The following FMNL3 variants were observed in gnomAD, a reference collection of about 807,000 sequenced individuals.
The protein encoded by FMNL3 is formin-like protein 3.
FMNL3 carries 57 observed loss-of-function variants against 119.6 expected under a neutral mutation model. That is an observed-to-expected ratio of 0.48 (90% confidence interval 0.39 to 0.59). The LOEUF is 0.59. FMNL3 is among the 20% of genes least tolerant of loss of function. The pLI is 0.00. For synonymous variants in FMNL3, 491 were observed against 507.3 expected (o/e 0.97, Z 0.43); for missense variants, 1,053 against 1,323.5 (o/e 0.80, Z 3.17).
At position 49,707,303 on chromosome 12, in the gene FMNL3, G is replaced by T; in HGVS notation, c.-123C>A. On this transcript the variant is annotated 5_prime_UTR_variant, in exon 1 of 26. Transcript: ENST00000335154. ...CCCCGAGTCCCGACTCCTCGGCCCC[G>T]TCGAGGGCGCCGGGGGTTCCCTGGA... The T allele has an allele frequency of 1.0e-6, 1 of 957,368 alleles. No homozygotes were observed. The highest frequency in any genetic ancestry group is 1.4e-6 in the Non-Finnish European group (1 of 701,978). The allele number at this position is 957,368 out of a possible 1,614,324, so 59.3% of individuals were successfully genotyped here.
chr12:49,651,922 G>C lies in FMNL3; in HGVS notation c.1603+11C>G. The C allele has an allele frequency of 1.3e-6, 2 of 1,571,612 alleles. No homozygotes were observed. Among genetic ancestry groups the C allele is most frequent in the Non-Finnish European group, 1.7e-6 (2 of 1,155,806 alleles). On this transcript the variant is annotated intron_variant, in intron 14 of 25. Transcript: ENST00000335154. Reference sequence around the variant, plus strand: ...CTGCCCCTGTTGGCTCCCAGGGGTCGTCGTGGTTACCTGGTAATGGGGGAG... The same window carrying C: ...CTGCCCCTGTTGGCTCCCAGGGGTCCTCGTGGTTACCTGGTAATGGGGGAG...
Position 49,636,689 on chromosome 12 carries a change from C to T in FMNL3, c.*9126G>A, listed in dbSNP as rs1435925589. ...GAGAGGGTATCCTGCTGGGACAATG[C>T]CCGCGGAACCTCCTGCCTGTCTTTA... On this transcript the variant is annotated 3_prime_UTR_variant, in exon 26 of 26. Coordinates refer to ENST00000335154, the MANE Select transcript of FMNL3 (RefSeq NM_175736.5). 1 of 1,612,820 alleles carries T rather than the reference C, an allele frequency of 6.2e-7. No homozygotes were observed.
intron 1 of FMNL3, among the ~76,000 whole-genome samples, chr12:49,681,713 C>T (rs973454231): frequency 3.3e-5 from 5 of 151,756 alleles, no homozygotes; most frequent in South Asian, 4.1e-4. Flanking sequence ...TGTGCCACCA[C>T]GCTTGGCTAA....
At chr12:49,654,675 G>C (rs1274615672) in intron 10 of FMNL3, among the ~76,000 whole-genome samples, 3 of 152,094 alleles carry the variant, frequency 2.0e-5, no homozygotes, top group Admixed American at 2.0e-4. Context: ...TCCAATTCAA[G>C]GACAAAAAGG....
At position 49,651,470 on chromosome 12, in the gene FMNL3, C is replaced by T; in HGVS notation, c.1604-20G>A. On this transcript the variant is annotated intron_variant, in intron 14 of 25. Transcript: ENST00000335154. The stretch of plus-strand genomic sequence containing the variant: ...ACTTGTCTGGGGGAAGAAGAAATGA[C>T]ACAGTGACCCAGGCGTCAAGAGACT... 2.1e-6 allele frequency: 3 copies of T among 1,455,686 alleles called. No individual in the cohort carries two copies. The highest frequency in any genetic ancestry group is 4.4e-4 in the Middle Eastern group (2 of 4,572). 90.2% of individuals were successfully genotyped at this position (1,455,686 alleles called of 1,614,324 possible).
chr12:49,667,408 C>A (rs1323022382), intron 2 of FMNL3, among the ~76,000 whole-genome samples: 1 of 152,172 alleles, frequency 6.6e-6, no homozygotes, highest in Non-Finnish European at 1.5e-5. Context: ...CCTCTTAATG[C>A]AGAACACAAG....
At chr12:49,698,863 T>C (rs1438038144) in intron 1 of FMNL3, among the ~76,000 whole-genome samples, 1 of 152,154 alleles carries the variant, frequency 6.6e-6, no homozygotes, top group Non-Finnish European at 1.5e-5. Flanking sequence ...CCAGCTCAGT[T>C]CTATTCTGGA....
intron 1 of FMNL3, chr12:49,688,765 C>T (rs943635870): frequency 1.1e-5 from 3 of 268,154 alleles, no homozygotes; most frequent in African/African-American, 6.5e-5. Context: ...AGTGCTTGGC[C>T]TGGATAATTA....
chr12:49,643,681 C>G lies in FMNL3; in HGVS notation c.*2134G>C. On this transcript the variant is annotated 3_prime_UTR_variant, in exon 26 of 26. Transcript: ENST00000335154. ...CTGTTGGGACTTAGTAGGGATTTTT[C>G]TATCTCTAGATCATGGCCTTCGGAA... is the stretch of plus-strand genomic sequence containing the variant. The G allele has an allele frequency of 6.2e-7, 1 of 1,611,998 alleles. No homozygotes were observed. Among genetic ancestry groups the G allele is most frequent in the South Asian group, 1.1e-5 (1 of 90,644 alleles).
intron 1 of FMNL3, among the ~76,000 whole-genome samples, chr12:49,695,597 CA>C (rs1337228440): frequency 1.3e-5 from 2 of 152,144 alleles, no homozygotes; most frequent in African/African-American, 2.4e-5. Context: ...ATACATCCAA[CA>C]AATGTTAACT....
chr12:49,644,289 G>C lies in FMNL3; in HGVS notation c.*1526C>G. ...AGACTTCTTCCTTAGTCTGGTCTGT[G>C]TCCACTTTTTCTAAAGTAACCCCAC... On this transcript the variant is annotated 3_prime_UTR_variant, in exon 26 of 26. Coordinates refer to ENST00000335154, the MANE Select transcript of FMNL3 (RefSeq NM_175736.5). 1 of 1,405,772 alleles carries C rather than the reference G, an allele frequency of 7.1e-7. No homozygotes were observed. The highest frequency in any genetic ancestry group is 1.2e-5 in the South Asian group (1 of 83,038). 87.1% of individuals were successfully genotyped at this position (1,405,772 alleles called of 1,614,324 possible).
intron 1 of FMNL3, among the ~76,000 whole-genome samples, chr12:49,704,827 C>G (rs1394099793): frequency 2.6e-5 from 4 of 151,142 alleles, no homozygotes; most frequent in Non-Finnish European, 5.9e-5. Flanking sequence ...CTCACCAGAA[C>G]AGGATTACCT....
rs1942348855 is a variant in FMNL3 at position 49,639,755 on chromosome 12, G to A, written c.*6060C>T. On this transcript the variant is annotated 3_prime_UTR_variant, in exon 26 of 26. Transcript: ENST00000335154. Reference sequence around the variant, plus strand: ...GTAGAATTGATAGATTTTGTGAAATGGAGGGAAAGGAAGGAATCAGAGGTG... The same window carrying A: ...GTAGAATTGATAGATTTTGTGAAATAGAGGGAAAGGAAGGAATCAGAGGTG... 1 of 152,160 alleles carries A rather than the reference G, an allele frequency of 6.6e-6. No individual in the cohort carries two copies. The highest frequency in any genetic ancestry group is 2.4e-5 in the African/African-American group (1 of 41,438). The allele number at this position is 152,160 out of a possible 1,614,324, so 9.4% of individuals were successfully genotyped here.
In FMNL3 at chr12:49,649,998, G is replaced by T; in HGVS notation, c.2001-73C>A. The T allele has an allele frequency of 1.5e-6, 2 of 1,335,618 alleles. No individual in the cohort carries two copies. The highest frequency in any genetic ancestry group is 2.1e-6 in the Non-Finnish European group (2 of 966,732). 82.7% of individuals were successfully genotyped at this position (1,335,618 alleles called of 1,614,324 possible). A position where few individuals can be genotyped will look rare whatever the true frequency, so the allele number is the denominator to read the frequency against. On this transcript the variant is annotated intron_variant, in intron 17 of 25. Coordinates refer to ENST00000335154, the MANE Select transcript of FMNL3 (RefSeq NM_175736.5). This position sits in a 1 kb window ranked among gnomAD's most constrained non-coding sequence, Gnocchi z 5.6. ...TTCCCTCATCCCTTTTATTCTCCAA[G>T]CTCCTAGAAGAACTGGACAGGGGAC... is the stretch of plus-strand genomic sequence containing the variant.
chr12:49,679,626 A>T (rs946041109), intron 1 of FMNL3, among the ~76,000 whole-genome samples: 2 of 146,494 alleles, frequency 1.4e-5, no homozygotes, highest in African/African-American at 2.6e-5. Flanking sequence ...TCTTGGGCTC[A>T]GGTGATCTTC....
At chr12:49,678,793 G>C (rs1944261785) in intron 1 of FMNL3, among the ~76,000 whole-genome samples, 1 of 152,176 alleles carries the variant, frequency 6.6e-6, no homozygotes, top group South Asian at 2.1e-4. Context: ...AAGCGGGAAG[G>C]AATCAGGCAA....
intron 1 of FMNL3, among the ~76,000 whole-genome samples, chr12:49,691,260 T>C (rs1200325111): frequency 1.3e-5 from 2 of 152,194 alleles, no homozygotes; most frequent in African/African-American, 4.8e-5. Flanking sequence ...GGTATACCAT[T>C]ATCACACAAT....
intron 1 of FMNL3, among the ~76,000 whole-genome samples, chr12:49,706,197 A>T (rs1945043354): frequency 6.6e-6 from 1 of 152,214 alleles, no homozygotes; most frequent in Non-Finnish European, 1.5e-5. Context: ...CTCTCGCTTC[A>T]TAGAGCCACT....
chr12:49,638,222 G>T lies in FMNL3; in HGVS notation c.*7593C>A. ...GAAGAAGCATAGCTAATTGTAAACT[G>T]GTAGCACACAGATTGTTCTTTCTGG... On this transcript the variant is annotated 3_prime_UTR_variant, in exon 26 of 26. Coordinates refer to ENST00000335154, the MANE Select transcript of FMNL3 (RefSeq NM_175736.5). The T allele has an allele frequency of 5.5e-6, 1 of 183,266 alleles. No homozygotes were observed. Among genetic ancestry groups the T allele is most frequent in the Admixed American group, 5.5e-5 (1 of 18,082 alleles). The allele number at this position is 183,266 out of a possible 1,614,324, so 11.4% of individuals were successfully genotyped here. A position where few individuals can be genotyped will look rare whatever the true frequency, so the allele number is the denominator to read the frequency against.
Sources: gnomAD v4.1 joint callset for allele counts (sites outside exome capture counted in the v4.1 genomes callset) on GRCh38, gnomAD v4.1.1 for gene constraint, Gnocchi (gnomAD v3.1) non-coding constraint, MANE v1.5 for transcripts, NCBI Gene and HGNC (gene_info 2026-07-23, HGNC 2026-07-21) for gene names.